Variants in SGSM2 observed in about 807,000 individuals in gnomAD.
SGSM2 encodes the protein RUN and TBC1 domain containing 1.
A neutral mutation model predicts 126.6 loss-of-function variants in SGSM2; 89 were observed. That is an observed-to-expected ratio of 0.70 (90% CI 0.59 to 0.84). The LOEUF (loss-of-function observed/expected upper bound fraction) is 0.84. SGSM2 is among the 40% of genes least tolerant of loss of function. SGSM2 has a pLI of 0.00. For synonymous variants in SGSM2, 614 were observed against 574.3 expected, an observed-to-expected ratio of 1.07 and a Z score of -0.99; for missense variants, 1,404 against 1,416.6, an observed-to-expected ratio of 0.99 and a Z score of 0.14.
intron 2 of SGSM2, among the ~76,000 whole-genome samples, chr17:2,354,545 T>C (rs2065010487): frequency 1.3e-5 from 2 of 152,212 alleles, no homozygotes; most frequent in Non-Finnish European, 2.9e-5. Flanking sequence ...ACTTCACCTG[T>C]CCCCTATTGA....
intron 3 of SGSM2, 45 bp downstream of exon 3, chr17:2,361,844 C>T: frequency 2.6e-6 from 4 of 1,547,644 alleles, no homozygotes; most frequent in Non-Finnish European, 3.5e-6. Context: ...CAGCTCTTCC[C>T]ACTTGGCAAT....
intron 2 of SGSM2, among the ~76,000 whole-genome samples, chr17:2,354,337 C>T (rs575882836): frequency 1.3e-5 from 2 of 152,174 alleles, no homozygotes; most frequent in Non-Finnish European, 2.9e-5. Flanking sequence ...CGTGAGCCAC[C>T]GCGCCCAGCC....
intron 17 of SGSM2, chr17:2,373,722 G>C (rs1042769719): frequency 3.4e-6 from 2 of 580,292 alleles, no homozygotes; most frequent in East Asian, 2.8e-5. Flanking sequence ...TAAAGTGAGA[G>C]AGTGCATTGT....
chr17:2,377,721 C>T, intron 21 of SGSM2, 136 bp from the exon 22 acceptor site: 2 of 642,568 alleles, frequency 3.1e-6, no homozygotes, highest in South Asian at 3.5e-5. Context: ...GTGCACCGCG[C>T]AGCACAGGGC....
At chr17:2,371,937 G>A (rs1183179825) in intron 13 of SGSM2, 14 of 529,464 alleles carry the variant, frequency 2.6e-5, no homozygotes, top group African/African-American at 2.0e-4. Context: ...ATGAGGAAAC[G>A]AAGATTCATG....
At chr17:2,348,413 C>A (rs1028317628) in intron 2 of SGSM2, among the ~76,000 whole-genome samples, 1 of 152,204 alleles carries the variant, frequency 6.6e-6, no homozygotes, top group Admixed American at 6.5e-5. Context: ...GTTCCTCCTC[C>A]TTCCCACCCA....
rs937948886 is a variant in SGSM2 at position 2,362,223 on chromosome 17, C to G, written c.411C>G (p.Ile137Met). 3 of 1,613,768 alleles carry G rather than the reference C, an allele frequency of 1.9e-6. No homozygotes were observed. Among genetic ancestry groups the G allele is most frequent in the African/African-American group, 1.3e-5 (1 of 74,874 alleles). Reference protein sequence around the residue: ...LKHVWVRTALIEKVLDKVVQY... With the variant: ...LKHVWVRTALMEKVLDKVVQY... ...ACGTATGGGTACGCACGGCGCTCAT[C>G]GAGAAAGTTCTGGACAAGGTCGTGC... Residue 137 changes from isoleucine to methionine, a missense_variant, in exon 4 of 24, where the codon ATC becomes ATG. By Grantham distance (10) the Ile-to-Met change is conservative (BLOSUM62 1). Coordinates refer to ENST00000268989, the MANE Select transcript of SGSM2 (RefSeq NM_014853.3). The surrounding 1 kb of genome is among the most constrained non-coding windows in gnomAD (Gnocchi z 4.9).
chr17:2,351,343 G>C (rs944094543), intron 2 of SGSM2, among the ~76,000 whole-genome samples: 10 of 152,178 alleles, frequency 6.6e-5, no homozygotes, highest in Non-Finnish European at 1.0e-4. Context: ...TGCCTGTGAG[G>C]CCTACCCAGG....
intron 1 of SGSM2, among the ~76,000 whole-genome samples, chr17:2,338,774 AAT>A (rs148031213): frequency 2.4e-4 from 32 of 133,738 alleles, no homozygotes; most frequent in East Asian, 3.7e-4. Flanking sequence ...CCGTCTCCCT[AAT>A]ATATATATAT....
rs140728258 is a variant in SGSM2 at position 2,373,717 on chromosome 17, TGA to T, written c.2100+210_2100+211del. 6.4e-4 allele frequency: 374 copies of T among 583,398 alleles called. No homozygotes were observed. In the African/African-American group the frequency reaches 6.4e-3, roughly 10 times the overall value. The allele number at this position is 583,398 out of a possible 1,614,324, so 36.1% of individuals were successfully genotyped here. On this transcript the variant is annotated intron_variant, in intron 17 of 23. Transcript: ENST00000268989. ...TTCTCTGGGTATTGTAGGAATAAAGTGAGAGAGTGCATTGTGCTCAGTTTTAG... is the reference window on the plus strand; with the variant it reads ...TTCTCTGGGTATTGTAGGAATAAAGTGAGAGTGCATTGTGCTCAGTTTTAG...
Position 2,373,398 on chromosome 17 carries a change from TG to T in SGSM2, c.1986del (p.Arg663GlyfsTer106), listed in dbSNP as rs771131684. On this transcript the variant is annotated frameshift_variant, in exon 17 of 24. Transcript: ENST00000268989. LOFTEE classifies it high-confidence loss of function. Reference protein sequence around the residue: ...LAEWKACEVVVRQREREAHPA... With the variant: ...LAEWKACEVVXRQREREAHPA... ...GAGTGGAAGGCCTGCGAGGTGGTGG[TG>T]AGGCAGCGGGAGCGGGAGGCCCACC... The T allele has an allele frequency of 6.2e-7, 1 of 1,612,404 alleles. No homozygotes were observed. Among genetic ancestry groups the T allele is most frequent in the Non-Finnish European group, 8.5e-7 (1 of 1,179,912 alleles).
Position 2,371,429 on chromosome 17 carries a change from G to C in SGSM2, c.1577+14G>C, listed in dbSNP as rs113950981. On this transcript the variant is annotated intron_variant, in intron 13 of 23. Transcript: ENST00000268989. ...CATCCCCGACCGGTGAGTGGGCAGC[G>C]CTCGGCCCCAGCTTCCCGTTAGCGT... 6.3e-7 allele frequency: 1 copy of C among 1,577,950 alleles called. No homozygotes were observed. Among genetic ancestry groups the C allele is most frequent in the Non-Finnish European group, 8.6e-7 (1 of 1,161,176 alleles).
chr17:2,375,350 C>T (rs2252910), intron 17 of SGSM2, 142 bp from the exon 18 acceptor site: 908,699 of 1,076,840 alleles, frequency 0.84, 384,421 homozygotes, highest in Admixed American at 0.87. Context: ...GGCTTGGTGC[C>T]CCGTGGCCAC....
chr17:2,372,697 G>A lies in SGSM2; in HGVS notation c.1788+209G>A, dbSNP rs1223529098. ...TGGGAAGCCGTCCTGCCTCCACATC[G>A]CCCTGTGACCCTGGACAAAGCTTTG... On this transcript the variant is annotated intron_variant, in intron 15 of 23. Coordinates refer to ENST00000268989, the MANE Select transcript of SGSM2 (RefSeq NM_014853.3). The surrounding 1 kb of genome is among the most constrained non-coding windows in gnomAD (Gnocchi z 6.0). The A allele has an allele frequency of 6.1e-6, 5 of 817,188 alleles. No homozygotes were observed. Among genetic ancestry groups the A allele is most frequent in the East Asian group, 2.7e-5 (1 of 36,814 alleles). 50.6% of individuals were successfully genotyped at this position (817,188 alleles called of 1,614,324 possible).
At position 2,377,872 on chromosome 17, in the gene SGSM2, C is replaced by G. The variant is rs770297701; in HGVS notation, c.2818C>G (p.Leu940Val). The G allele has an allele frequency of 1.2e-6, 2 of 1,609,646 alleles. No homozygotes were observed. The highest frequency in any genetic ancestry group is 2.2e-5 in the South Asian group (2 of 90,982). Residue 940 changes from leucine to valine, a missense_variant, in exon 22 of 24, where the codon CTG becomes GTG. Transcript: ENST00000268989. ...CCCACATAAGATCCTGGACTCAGAG[C>G]TGTTTGAGCTGATGCATCAGAATGG... ...RSLIQILDSELFELMHQNGDY... is the reference protein window; with the variant it reads ...RSLIQILDSEVFELMHQNGDY...
chr17:2,366,684 A>G (rs2065602852), intron 11 of SGSM2: 1 of 152,160 alleles, frequency 6.6e-6, no homozygotes, highest in Non-Finnish European at 1.5e-5. Flanking sequence ...GATCTTTGCC[A>G]TTTCCCAGTC....
chr17:2,361,687 T>G lies in SGSM2; in HGVS notation c.184T>G (p.Phe62Val). The G allele has an allele frequency of 6.2e-7, 1 of 1,614,022 alleles. No individual in the cohort carries two copies. The highest frequency in any genetic ancestry group is 8.5e-7 in the Non-Finnish European group (1 of 1,180,010). The stretch of plus-strand genomic sequence containing the variant: ...TCAGCTGAGACGCCGTGCCGCTGGC[T>G]TCCTGCGCAGTGACAAGATGGCAGC... ...LHQLRRRAAG[F>V]LRSDKMAALF... Residue 62 changes from phenylalanine to valine, a missense_variant, in exon 3 of 24, where the codon TTC becomes GTC. Transcript: ENST00000268989.
rs141183842 is a variant in SGSM2 at position 2,363,501 on chromosome 17, G to A, written c.709G>A (p.Asp237Asn). Residue 237 changes from aspartate (D) to asparagine (N), a missense_variant, in exon 7 of 24, where the codon GAC (aspartate) becomes AAC (asparagine). Asp to Asn is a conservative substitution (Grantham distance 23, BLOSUM62 1). Transcript: ENST00000268989. The surrounding 1 kb of genome is among the most constrained non-coding windows in gnomAD (Gnocchi z 4.2). ...KRHSSGSASE[D>N]RLAACARECV... The stretch of plus-strand genomic sequence containing the variant: ...GCACTCAAGCGGCAGCGCGTCGGAG[G>A]ACAGGCTGGCTGCCTGTGCCCGCGA... 6.2e-7 allele frequency: 1 copy of A among 1,613,490 alleles called. No individual in the cohort carries two copies. Among genetic ancestry groups the A allele is most frequent in the Non-Finnish European group, 8.5e-7 (1 of 1,180,004 alleles).
intron 1 of SGSM2, among the ~76,000 whole-genome samples, chr17:2,340,661 T>C (rs750742673): frequency 1.2e-4 from 18 of 151,756 alleles, no homozygotes; most frequent in Non-Finnish European, 2.4e-4. Flanking sequence ...CTCAGCTCAC[T>C]GCAAGCTCCG....
Sources: allele counts gnomAD v4.1 joint callset (sites outside exome capture counted in the v4.1 genomes callset), GRCh38; gene constraint gnomAD v4.1.1; non-coding constraint Gnocchi (gnomAD v3.1); transcripts MANE v1.5; gene names NCBI Gene and HGNC (gene_info 2026-07-23, HGNC 2026-07-21).